TFAP2E: variants seen among roughly 807,000 people sequenced by gnomAD.
TFAP2E encodes transcription factor AP-2 epsilon.
TFAP2E carries 30 observed loss-of-function variants against 37.9 expected under a neutral mutation model. The observed-to-expected ratio is 0.79, with a 90% CI of 0.59 to 1.07. The LOEUF (loss-of-function observed/expected upper bound fraction) is 1.07. Among genes scored for constraint, TFAP2E ranks in the 50% least tolerant of loss-of-function variants. The pLI is 0.00. For missense variants in TFAP2E, 567 were observed against 637.9 expected (o/e 0.89, Z 1.20); for synonymous variants, 318 against 295.8 (o/e 1.08, Z -0.77).
In TFAP2E at chr1:35,573,977, T is replaced by G; in HGVS notation, c.78T>G (p.Ser26=). 6 of 1,484,948 alleles carry G rather than the reference T, an allele frequency of 4.0e-6. No homozygotes were observed. Among genetic ancestry groups the G allele is most frequent in the Non-Finnish European group, 5.3e-6 (6 of 1,129,610 alleles). 92.0% of individuals were successfully genotyped at this position (1,484,948 alleles called of 1,614,324 possible). A position where few individuals can be genotyped will look rare whatever the true frequency, so the allele number is the denominator to read the frequency against. The change falls in exon 2 of 7, where the codon TCT becomes TCG. Residue 26 remains serine, a synonymous_variant. Transcript: ENST00000373235. This position sits in a 1 kb window ranked among gnomAD's most constrained non-coding sequence, Gnocchi z 5.9. ...GAAAGGARLS[S]LPQAAYGPAP... is the part of the protein sequence containing the mutation. ...CTGCCGGCGGGGCCCGCCTGTCGTCTCTGCCCCAGGCGGCCTACGGGCCGG... is the reference window on the plus strand; with the variant it reads ...CTGCCGGCGGGGCCCGCCTGTCGTCGCTGCCCCAGGCGGCCTACGGGCCGG...
intron 3 of TFAP2E, among the ~76,000 whole-genome samples, chr1:35,579,608 T>A (rs938390918): frequency 6.6e-6 from 1 of 151,890 alleles, no homozygotes; most frequent in East Asian, 2.0e-4. Flanking sequence ...TTGGCCAGGC[T>A]GGTCTTGAAC....
rs1272126884 is a variant in TFAP2E at position 35,577,020 on chromosome 1, C to T, written c.562+2020C>T. The stretch of plus-strand genomic sequence containing the variant: ...CAGCGGGACCCCAGCGCCAGCGGGA[C>T]CCCAGCGCCAGCGGGACCCCAGCGC... On this transcript the variant is annotated intron_variant, in intron 3 of 6. Coordinates refer to ENST00000373235, the MANE Select transcript of TFAP2E (RefSeq NM_178548.4). The surrounding 1 kb of genome is among the most constrained non-coding windows in gnomAD (Gnocchi z 6.3). Among the ~76,000 whole-genome samples, 1 of 122,102 alleles carries T rather than the reference C, an allele frequency of 8.2e-6. No individual in the cohort carries two copies. The highest frequency in any genetic ancestry group is 1.7e-5 in the Non-Finnish European group (1 of 57,558). The allele number at this position is 122,102 out of a possible 152,430, so 80.1% of individuals were successfully genotyped here. A position where few individuals can be genotyped will look rare whatever the true frequency, so the allele number is the denominator to read the frequency against.
intron 6 of TFAP2E, among the ~76,000 whole-genome samples, chr1:35,593,961 C>G (rs1279159082): frequency 6.6e-6 from 1 of 152,202 alleles, no homozygotes; most frequent in Non-Finnish European, 1.5e-5. Flanking sequence ...GGCACAGCAT[C>G]CAGCCTTCAA....
chr1:35,576,115 A>C (rs1373462492), intron 3 of TFAP2E, among the ~76,000 whole-genome samples: 2 of 152,228 alleles, frequency 1.3e-5, no homozygotes, highest in Non-Finnish European at 2.9e-5. Flanking sequence ...TTTTCAAACG[A>C]GTGAATTCAA....
chr1:35,584,159 T>C (rs1244616716), intron 3 of TFAP2E, among the ~76,000 whole-genome samples: 3 of 152,228 alleles, frequency 2.0e-5, no homozygotes, highest in Non-Finnish European at 4.4e-5. Flanking sequence ...TGGAGTGCAG[T>C]GGTGCAATCA....
chr1:35,586,972 G>T (rs1649499910), intron 3 of TFAP2E, among the ~76,000 whole-genome samples: 2 of 152,218 alleles, frequency 1.3e-5, no homozygotes. Context: ...TACCAGCTGT[G>T]TGATCTCAGG....
chr1:35,592,397 T>TTTTA (rs1381703288), intron 6 of TFAP2E, among the ~76,000 whole-genome samples: 2 of 151,998 alleles, frequency 1.3e-5, no homozygotes, highest in African/African-American at 2.4e-5. Context: ...CAACAGAAAT[T>TTTTA]TTTATTTATT....
At position 35,588,418 on chromosome 1, in the gene TFAP2E, C is replaced by T. The variant is rs199957698; in HGVS notation, c.651C>T (p.Val217=). ...LVGGITNPGE[V]FCSVPGRLSL... is the part of the protein sequence containing the mutation. ...GCGGCATCACAAATCCTGGTGAGGT[C>T]TTCTGCTCCGTGCCCGGCCGGCTTT... is the stretch of plus-strand genomic sequence containing the variant. The change falls in exon 4 of 7, where the codon GTC becomes GTT. Residue 217 remains valine, a synonymous_variant. Transcript: ENST00000373235. This position sits in a 1 kb window ranked among gnomAD's most constrained non-coding sequence, Gnocchi z 5.1. 1.2e-6 allele frequency: 2 copies of T among 1,612,748 alleles called. No homozygotes were observed. Among genetic ancestry groups the T allele is most frequent in the Non-Finnish European group, 1.7e-6 (2 of 1,180,010 alleles).
chr1:35,573,528 G>A lies in TFAP2E; in HGVS notation c.-50G>A. ...GCCTCTGCCCGCAGCGCTCGCCGTC[G>A]GGCTAGGGCTCCGCCGCCGCCACGC... On this transcript the variant is annotated 5_prime_UTR_variant, in exon 1 of 7. Transcript: ENST00000373235. The surrounding 1 kb of genome is among the most constrained non-coding windows in gnomAD (Gnocchi z 5.9). The A allele has an allele frequency of 1.4e-6, 2 of 1,473,010 alleles. No individual in the cohort carries two copies. Among genetic ancestry groups the A allele is most frequent in the South Asian group, 1.3e-5 (1 of 74,722 alleles). The allele number at this position is 1,473,010 out of a possible 1,614,324, so 91.2% of individuals were successfully genotyped here. A position where few individuals can be genotyped will look rare whatever the true frequency, so the allele number is the denominator to read the frequency against.
In TFAP2E at chr1:35,594,502, C is replaced by T; in HGVS notation, c.1155C>T (p.His385=). Residue 385 remains histidine, a synonymous_variant, in exon 7 of 7, where the codon CAC becomes CAT. Transcript: ENST00000373235. ...LEPGVQSCLT[H]FSLITHGFGG... ...CCGGAGTACAGAGCTGCTTGACACACTTTAGCCTCATCACCCATGGCTTCG... is the reference window on the plus strand; with the variant it reads ...CCGGAGTACAGAGCTGCTTGACACATTTTAGCCTCATCACCCATGGCTTCG... 1.9e-6 allele frequency: 3 copies of T among 1,614,216 alleles called. No individual in the cohort carries two copies. Among genetic ancestry groups the T allele is most frequent in the Non-Finnish European group, 2.5e-6 (3 of 1,180,036 alleles).
rs1357420863 is a variant in TFAP2E at position 35,577,060 on chromosome 1, C to T, written c.562+2060C>T. Among the ~76,000 whole-genome samples the T allele has an allele frequency of 6.6e-6, 1 of 152,090 alleles. No individual in the cohort carries two copies. ...GACCCCAGCGCCAGCGGGTCTGTGG[C>T]CCAGTGGAGCGAGTGGAGCGCTGGC... On this transcript the variant is annotated intron_variant, in intron 3 of 6. Coordinates refer to ENST00000373235, the MANE Select transcript of TFAP2E (RefSeq NM_178548.4). This position sits in a 1 kb window ranked among gnomAD's most constrained non-coding sequence, Gnocchi z 6.3.
chr1:35,595,196 G>C lies in TFAP2E; in HGVS notation c.*520G>C, dbSNP rs554665465. ...CCTACTCTCAGAGAGAAGTGGGCAG[G>C]AGGGGTCCTCAAGGAACAAAGAAGA... On this transcript the variant is annotated 3_prime_UTR_variant, in exon 7 of 7. Transcript: ENST00000373235. 6.1e-6 allele frequency: 1 copy of C among 165,064 alleles called. No individual in the cohort carries two copies. The highest frequency in any genetic ancestry group is 1.9e-4 in the East Asian group (1 of 5,296). The allele number at this position is 165,064 out of a possible 1,614,324, so 10.2% of individuals were successfully genotyped here. A position where few individuals can be genotyped will look rare whatever the true frequency, so the allele number is the denominator to read the frequency against.
At chr1:35,591,720 C>T (rs1311501958) in intron 6 of TFAP2E, among the ~76,000 whole-genome samples, 1 of 152,218 alleles carries the variant, frequency 6.6e-6, no homozygotes, top group Non-Finnish European at 1.5e-5. Flanking sequence ...GAGTTTCGCT[C>T]TTGTTTCCCA....
In TFAP2E at chr1:35,590,625, T is replaced by C. The variant is rs1418788493; in HGVS notation, c.905-9T>C. On this transcript the variant is annotated splice_polypyrimidine_tract_variant and intron_variant, in intron 5 of 6. Transcript: ENST00000373235. The surrounding 1 kb of genome is among the most constrained non-coding windows in gnomAD (Gnocchi z 6.2). ...CACCCTGCAGTAGTGACAGCTCCCC[T>C]CCCCCCAGGAGAGGCCGTGCACCTG... The C allele has an allele frequency of 6.9e-7, 1 of 1,455,912 alleles. No individual in the cohort carries two copies. Among genetic ancestry groups the C allele is most frequent in the Non-Finnish European group, 9.2e-7 (1 of 1,091,430 alleles). The allele number at this position is 1,455,912 out of a possible 1,614,324, so 90.2% of individuals were successfully genotyped here.
In TFAP2E at chr1:35,577,980, A is replaced by T; in HGVS notation, c.562+2980A>T. Among the ~76,000 whole-genome samples the T allele has an allele frequency of 6.6e-6, 1 of 152,122 alleles. No homozygotes were observed. Among genetic ancestry groups the T allele is most frequent in the East Asian group, 1.9e-4 (1 of 5,172 alleles). On this transcript the variant is annotated intron_variant, in intron 3 of 6. Transcript: ENST00000373235. The surrounding 1 kb of genome is among the most constrained non-coding windows in gnomAD (Gnocchi z 6.3). ...GAAAGCAAGCAGGACTGGTGGGGAG[A>T]CGGAGCTTAACAGGAATATTTTCCA... is the stretch of plus-strand genomic sequence containing the variant.
chr1:35,595,532 C>T (rs1649804726), downstream of TFAP2E, among the ~76,000 whole-genome samples: 1 of 152,166 alleles, frequency 6.6e-6, no homozygotes, highest in Non-Finnish European at 1.5e-5. Context: ...TTTGCCCCTG[C>T]AGTTGATGTA....
chr1:35,580,602 A>C (rs909843063), intron 3 of TFAP2E, among the ~76,000 whole-genome samples: 9 of 151,978 alleles, frequency 5.9e-5, no homozygotes, highest in Non-Finnish European at 1.3e-4. Context: ...CTACTAAAAA[A>C]ACAAAAACAA....
At chr1:35,580,670 G>C (rs1649323846) in intron 3 of TFAP2E, among the ~76,000 whole-genome samples, 1 of 152,076 alleles carries the variant, frequency 6.6e-6, no homozygotes, top group African/African-American at 2.4e-5. Context: ...AGCTACTCGG[G>C]AGGCTGAGGC....
rs1454185301 is a variant in TFAP2E, at chr1:35,577,305, C to T, written c.562+2305C>T. The stretch of plus-strand genomic sequence containing the variant: ...CCCCTCCCCACACCTGCCCTCGGCG[C>T]CCCCAGCAGTTTTCACCTTGGCCCT... On this transcript the variant is annotated intron_variant, in intron 3 of 6. Transcript: ENST00000373235. The surrounding 1 kb of genome is among the most constrained non-coding windows in gnomAD (Gnocchi z 6.3). 1.3e-5 allele frequency: 6 copies of T among 449,776 alleles called. No individual in the cohort carries two copies. Among genetic ancestry groups the T allele is most frequent in the Non-Finnish European group, 2.7e-5 (6 of 222,556 alleles). 27.9% of individuals were successfully genotyped at this position (449,776 alleles called of 1,614,324 possible).
Sources: gnomAD v4.1 joint callset for allele counts (sites outside exome capture counted in the v4.1 genomes callset) on GRCh38, gnomAD v4.1.1 for gene constraint, Gnocchi (gnomAD v3.1) non-coding constraint, MANE v1.5 for transcripts, NCBI Gene and HGNC (gene_info 2026-07-23, HGNC 2026-07-21) for gene names.